LRBA: variants seen among roughly 807,000 people sequenced by gnomAD.
LRBA encodes the protein lipopolysaccharide-responsive and beige-like anchor protein.
LRBA carries 176 observed loss-of-function variants against 330.0 expected under a neutral mutation model. The ratio of observed to expected loss-of-function variants is 0.53; its 90% confidence interval spans 0.47 to 0.60. LRBA has a LOEUF of 0.60. Ranked by LOEUF, LRBA falls within the 20% of genes least tolerant of loss-of-function variation. The pLI, the probability that LRBA is intolerant of heterozygous loss-of-function variation, is 0.00. For synonymous variants in LRBA, 1,230 were observed against 1,193.0 expected (o/e 1.03, Z -0.64); for missense variants, 3,259 against 3,444.8 (o/e 0.95, Z 1.35).
rs142336513 is a variant in LRBA, at chr4:150,436,739, T to A, written c.6906A>T (p.Ala2302=). Residue 2302 remains alanine, a synonymous_variant, in exon 45 of 57, where the codon GCA becomes GCT. Transcript: ENST00000651943. ...THYSTASFVL[A]WLLRIEPFTT... is the part of the protein sequence containing the mutation. The stretch of plus-strand genomic sequence containing the variant: ...TTGAACTTACTATTCTTAGCAGCCA[T>A]GCAAGAACAAAACTTGCAGTTGAGT... 1.2e-6 allele frequency: 2 copies of A among 1,612,886 alleles called. No individual in the cohort carries two copies. Among genetic ancestry groups the A allele is most frequent in the Non-Finnish European group, 1.7e-6 (2 of 1,179,224 alleles).
intron 42 of LRBA, among the ~76,000 whole-genome samples, chr4:150,483,073 A>G (rs1445150832): frequency 6.6e-6 from 1 of 151,900 alleles, no homozygotes; most frequent in East Asian, 1.9e-4. Flanking sequence ...GGTCACAAAG[A>G]TTTTTCTCCT....
At chr4:150,876,431 ATTAAAGAAAAAATC>A (rs74968186) in intron 17 of LRBA, among the ~76,000 whole-genome samples, 10,884 of 152,224 alleles carry the variant, frequency 0.071, 587 homozygotes, top group African/African-American at 0.16. Flanking sequence ...CAAGATCAAT[ATTAAAGAAAAAATC>A]TTAAAGGTAG....
At chr4:150,272,255 C>CAA (rs1239013338) in intron 56 of LRBA, among the ~76,000 whole-genome samples, 2 of 152,134 alleles carry the variant, frequency 1.3e-5, no homozygotes, top group Non-Finnish European at 2.9e-5. Context: ...GGAAAACTAA[C>CAA]AAACAGGAAT....
At chr4:150,633,768 C>A (rs1379772485) in intron 37 of LRBA, among the ~76,000 whole-genome samples, 1 of 152,206 alleles carries the variant, frequency 6.6e-6, no homozygotes, top group African/African-American at 2.4e-5. Flanking sequence ...TCACTATCCA[C>A]GTTCCAGCTA....
At chr4:150,754,672 G>A (rs1734052913) in intron 35 of LRBA, among the ~76,000 whole-genome samples, 1 of 152,088 alleles carries the variant, frequency 6.6e-6, no homozygotes, top group Non-Finnish European at 1.5e-5. Flanking sequence ...ACTCACGCCT[G>A]TAATCCTACC....
In LRBA at chr4:150,852,332, G is replaced by A; in HGVS notation, c.3378C>T (p.Pro1126=). The A allele has an allele frequency of 6.2e-7, 1 of 1,613,906 alleles. No individual in the cohort carries two copies. Among genetic ancestry groups the A allele is most frequent in the South Asian group, 1.1e-5 (1 of 91,080 alleles). ...EGSPTEEANL[P]TELQDNSLSP... ...ACAAACTGTTATCTTGGAGCTCTGT[G>A]GGTAGATTAGCTTCCTCAGTAGGAC... The change falls in exon 23 of 57, where the codon CCC becomes CCT. Residue 1126 remains proline, a synonymous_variant. Coordinates refer to ENST00000651943, the MANE Select transcript of LRBA (RefSeq NM_001364905.1).
chr4:150,972,277 A>C (rs772126811), intron 2 of LRBA, among the ~76,000 whole-genome samples: 20 of 152,204 alleles, frequency 1.3e-4, no homozygotes, highest in Non-Finnish European at 2.6e-4. Flanking sequence ...CCAGTATTTA[A>C]ATAGCTTCAA....
intron 37 of LRBA, 69 bp from the exon 38 acceptor site, chr4:150,599,200 A>T (rs1266161449): frequency 6.4e-7 from 1 of 1,554,040 alleles, no homozygotes; most frequent in African/African-American, 1.4e-5. Context: ...GAATTTCTGC[A>T]TAAAGCTCTC....
chr4:150,920,787 G>C (rs982547798), intron 5 of LRBA, among the ~76,000 whole-genome samples: 3 of 152,024 alleles, frequency 2.0e-5, no homozygotes, highest in Admixed American at 2.0e-4. Context: ...AACTTGCGTA[G>C]TAAGTTTCAG....
At chr4:150,375,326 G>A (rs1425816282) in intron 47 of LRBA, among the ~76,000 whole-genome samples, 1 of 152,104 alleles carries the variant, frequency 6.6e-6, no homozygotes, top group Admixed American at 6.5e-5. Flanking sequence ...ATGACCTGGG[G>A]GGTAATGCTG....
chr4:150,307,063 T>A (rs1276362820), intron 52 of LRBA, among the ~76,000 whole-genome samples: 1 of 152,034 alleles, frequency 6.6e-6, no homozygotes, highest in African/African-American at 2.4e-5. Context: ...TAATTATTAG[T>A]GTTATATGAA....
chr4:150,323,696 C>G (rs1732857790), intron 49 of LRBA, among the ~76,000 whole-genome samples: 1 of 152,194 alleles, frequency 6.6e-6, no homozygotes, highest in African/African-American at 2.4e-5. Context: ...GCAGGAAACT[C>G]TCTTGGGCGT....
chr4:150,953,008 C>G (rs867235940), intron 2 of LRBA, among the ~76,000 whole-genome samples: 1 of 152,196 alleles, frequency 6.6e-6, no homozygotes, highest in Non-Finnish European at 1.5e-5. Flanking sequence ...ACCTCCCCAA[C>G]TGTTTCCATA....
chr4:150,471,255 C>T (rs1448369346), intron 43 of LRBA, among the ~76,000 whole-genome samples: 1 of 152,126 alleles, frequency 6.6e-6, no homozygotes, highest in Non-Finnish European at 1.5e-5. Context: ...AACATTCCAA[C>T]CACCTCCTCT....
chr4:150,838,468 T>A (rs1490207582), intron 28 of LRBA, among the ~76,000 whole-genome samples: 3 of 152,190 alleles, frequency 2.0e-5, no homozygotes, highest in African/African-American at 4.8e-5. Flanking sequence ...AGTCCCATAT[T>A]TCTTGGAGGC....
intron 56 of LRBA, among the ~76,000 whole-genome samples, chr4:150,270,019 T>C (rs1046851752): frequency 6.6e-6 from 1 of 152,170 alleles, no homozygotes; most frequent in Non-Finnish European, 1.5e-5. Flanking sequence ...ACATCACTGA[T>C]CATTAGGGAA....
At chr4:150,936,093 T>C (rs537042214) in intron 2 of LRBA, among the ~76,000 whole-genome samples, 183 of 151,650 alleles carry the variant, frequency 1.2e-3, no homozygotes, top group Non-Finnish European at 2.1e-3. Context: ...AAATACTAAA[T>C]GAATTTAACT....
At chr4:150,774,616 G>A (rs1218228723) in intron 34 of LRBA, among the ~76,000 whole-genome samples, 2 of 152,198 alleles carry the variant, frequency 1.3e-5, no homozygotes, top group African/African-American at 4.8e-5. Context: ...TTGCCTCATT[G>A]AGAAATCCAT....
At chr4:150,495,074 C>T (rs1759426971) in intron 40 of LRBA, among the ~76,000 whole-genome samples, 1 of 151,860 alleles carries the variant, frequency 6.6e-6, no homozygotes, top group African/African-American at 2.4e-5. Context: ...TAACACTTTG[C>T]CATATTATTC....
Sources: gnomAD v4.1 joint callset for allele counts (sites outside exome capture counted in the v4.1 genomes callset) on GRCh38, gnomAD v4.1.1 for gene constraint, MANE v1.5 for transcripts, NCBI Gene and HGNC (gene_info 2026-07-23, HGNC 2026-07-21) for gene names.